DAAM1: variants seen among roughly 807,000 people sequenced by gnomAD.
DAAM1 encodes disheveled-associated activator of morphogenesis 1.
DAAM1 carries 52 observed loss-of-function variants against 130.0 expected under a neutral mutation model. That is an observed-to-expected ratio of 0.40 (90% CI 0.32 to 0.50). The LOEUF (loss-of-function observed/expected upper bound fraction) is 0.50, where lower values mean the gene tolerates loss of function less well. Ranked by LOEUF, DAAM1 falls within the 20% of genes least tolerant of loss-of-function variation. The pLI is 0.61. For synonymous variants in DAAM1, 452 were observed against 444.5 expected, an observed-to-expected ratio of 1.02 and a Z score of -0.21; for missense variants, 1,134 against 1,303.8, an observed-to-expected ratio of 0.87 and a Z score of 2.01.
At chr14:59,330,078 A>T (rs1323295822) in intron 12 of DAAM1, among the ~76,000 whole-genome samples, 1 of 152,180 alleles carries the variant, frequency 6.6e-6, no homozygotes, top group Non-Finnish European at 1.5e-5. Context: ...TAATTCATAA[A>T]AGCTGAACTA....
chr14:59,229,495 G>A (rs1252981), intron 1 of DAAM1, among the ~76,000 whole-genome samples: 28,996 of 152,114 alleles, frequency 0.19, 3,293 homozygotes, highest in African/African-American at 0.3. Context: ...CAGAGAAGGT[G>A]TAGGTAAAAC....
At chr14:59,235,914 A>T (rs1038054670) in intron 1 of DAAM1, among the ~76,000 whole-genome samples, 2 of 152,180 alleles carry the variant, frequency 1.3e-5, no homozygotes, top group Non-Finnish European at 2.9e-5. Context: ...TGGTGCACAG[A>T]GGTGGAGCGG....
At chr14:59,345,983 G>A (rs1886063670) in intron 16 of DAAM1, among the ~76,000 whole-genome samples, 1 of 152,156 alleles carries the variant, frequency 6.6e-6, no homozygotes, top group Admixed American at 6.5e-5. Flanking sequence ...CAAAGGTACT[G>A]CTACTTTGTT....
rs545934086 is a variant in DAAM1, at chr14:59,196,370, C to G, written c.-38+7602C>G. Among the ~76,000 whole-genome samples the G allele has an allele frequency of 5.1e-4, 77 of 152,326 alleles. 2 individuals carry two copies. In the South Asian group the frequency reaches 0.016, roughly 31 times the overall value. On this transcript the variant is annotated intron_variant, in intron 1 of 24. Transcript: ENST00000360909. ...AACCAAGCAGGGAAATGTTTAGACA[C>G]AAGTTAGAACCCGCAGTTCTGTAAC...
chr14:59,335,490 T>G (rs1885590536), intron 15 of DAAM1, among the ~76,000 whole-genome samples: 1 of 152,206 alleles, frequency 6.6e-6, no homozygotes, highest in Non-Finnish European at 1.5e-5. Flanking sequence ...TAAACAATAT[T>G]CATCTCCGTT....
chr14:59,322,005 A>G (rs1281107527), intron 5 of DAAM1, among the ~76,000 whole-genome samples: 6 of 152,228 alleles, frequency 3.9e-5, no homozygotes, highest in Admixed American at 2.6e-4. Context: ...GTATGCAACA[A>G]TAAAGTATTG....
chr14:59,331,972 T>A, intron 15 of DAAM1, 52 bp downstream of exon 15: 2 of 1,467,510 alleles, frequency 1.4e-6, no homozygotes, highest in Non-Finnish European at 1.9e-6. Context: ...TCATGTCTTA[T>A]GCATGATCTC....
At chr14:59,302,795 A>G (rs2092468541) in intron 3 of DAAM1, among the ~76,000 whole-genome samples, 1 of 152,140 alleles carries the variant, frequency 6.6e-6, no homozygotes, top group Non-Finnish European at 1.5e-5. Context: ...GTGGGATTAC[A>G]GGTGTCCATC....
At chr14:59,216,996 G>A (rs1428805051) in intron 1 of DAAM1, among the ~76,000 whole-genome samples, 2 of 152,010 alleles carry the variant, frequency 1.3e-5, no homozygotes, top group African/African-American at 4.8e-5. Flanking sequence ...CCCCAATATA[G>A]GAGTTTCCAG....
At chr14:59,289,767 G>GATATATATATATATATATATATAT in intron 2 of DAAM1, among the ~76,000 whole-genome samples, 1,883 of 109,864 alleles carry the variant, frequency 0.017, 86 homozygotes, top group Admixed American at 0.038. Context: ...AACAAAATGT[G>GATATATATATATATATATATATAT]ATATATATAT....
intron 1 of DAAM1, among the ~76,000 whole-genome samples, chr14:59,238,568 G>C (rs552737293): frequency 6.6e-6 from 1 of 151,960 alleles, no homozygotes. Context: ...TACTTACTGT[G>C]ATCAGGGGCA....
At chr14:59,213,325 T>C (rs1888484188) in intron 1 of DAAM1, among the ~76,000 whole-genome samples, 1 of 137,596 alleles carries the variant, frequency 7.3e-6, no homozygotes, top group Non-Finnish European at 1.5e-5. Flanking sequence ...AGATTTCATT[T>C]GTATAAATGA....
intron 1 of DAAM1, among the ~76,000 whole-genome samples, chr14:59,251,697 C>T (rs8017833): frequency 0.23 from 34,518 of 152,058 alleles, 4,096 homozygotes; most frequent in East Asian, 0.33. Flanking sequence ...GGCGACTGTC[C>T]TCTCTACTGC....
At chr14:59,237,434 G>T (rs182753499) in intron 1 of DAAM1, among the ~76,000 whole-genome samples, 21 of 152,228 alleles carry the variant, frequency 1.4e-4, no homozygotes, top group Admixed American at 1.2e-3. Flanking sequence ...AGTGTATTTT[G>T]ACCACCCCTG....
chr14:59,280,041 A>G (rs775669102), intron 2 of DAAM1, among the ~76,000 whole-genome samples: 11 of 152,212 alleles, frequency 7.2e-5, no homozygotes, highest in Non-Finnish European at 1.6e-4. Context: ...TTGAGATCGT[A>G]CTTAACAGAA....
intron 1 of DAAM1, among the ~76,000 whole-genome samples, chr14:59,241,379 A>T (rs1018704627): frequency 6.6e-6 from 1 of 152,106 alleles, no homozygotes; most frequent in Non-Finnish European, 1.5e-5. Flanking sequence ...TTCCAGTGGG[A>T]CCTCTTTCCG....
chr14:59,354,036 AT>A, intron 19 of DAAM1, 72 bp downstream of exon 19: 1 of 1,426,244 alleles, frequency 7.0e-7, no homozygotes, highest in Non-Finnish European at 9.7e-7. Context: ...ATCCAAGTGC[AT>A]ATAGTAAACA....
intron 17 of DAAM1, among the ~76,000 whole-genome samples, chr14:59,350,392 A>G (rs1299903048): frequency 6.6e-6 from 1 of 151,874 alleles, no homozygotes; most frequent in Non-Finnish European, 1.5e-5. Context: ...GCACACATAT[A>G]CCACACATAC....
intron 1 of DAAM1, among the ~76,000 whole-genome samples, chr14:59,205,380 G>C (rs1365034853): frequency 7.2e-5 from 11 of 152,166 alleles, no homozygotes; most frequent in African/African-American, 2.7e-4. Flanking sequence ...TTTAAGTTTA[G>C]TTCAGTTAAA....
Sources: gnomAD v4.1 joint callset for allele counts (sites outside exome capture counted in the v4.1 genomes callset) on GRCh38, gnomAD v4.1.1 for gene constraint, MANE v1.5 for transcripts, NCBI Gene and HGNC (gene_info 2026-07-23, HGNC 2026-07-21) for gene names.